Variants in GNA12 observed in about 807,000 individuals in gnomAD.
The protein encoded by GNA12 is guanine nucleotide-binding protein subunit alpha-12.
Under a neutral mutation model 26.0 loss-of-function variants are expected in GNA12, and 9 were observed. That is an observed-to-expected ratio of 0.35 (90% CI 0.21 to 0.60). GNA12 has a LOEUF of 0.60. Ranked by LOEUF, GNA12 falls within the 20% of genes least tolerant of loss-of-function variation. The probability of loss-of-function intolerance (pLI) is 0.78; values close to 1 mark genes in which losing one functional copy is unlikely to be tolerated. For missense variants in GNA12, 405 were observed against 525.8 expected (o/e 0.77, Z 2.25); for synonymous variants, 264 against 219.6 (o/e 1.20, Z -1.79).
Position 2,731,795 on chromosome 7 carries a change from G to A in GNA12, c.577-45C>T, listed in dbSNP as rs41305918. ...GCAGAAATTTAGGGGGAGGAAGAAA[G>A]AACAGAGAAAATAGAAACAAAAAGA... is the stretch of plus-strand genomic sequence containing the variant. On this transcript the variant is annotated intron_variant, in intron 3 of 3. Coordinates refer to ENST00000275364, the MANE Select transcript of GNA12 (RefSeq NM_007353.3). The surrounding 1 kb of genome is among the most constrained non-coding windows in gnomAD (Gnocchi z 6.0). The A allele has an allele frequency of 4.9e-6, 5 of 1,013,358 alleles. No homozygotes were observed. In the African/African-American group the frequency reaches 6.4e-5, roughly 13 times the overall value. 62.8% of individuals were successfully genotyped at this position (1,013,358 alleles called of 1,614,324 possible). A position where few individuals can be genotyped will look rare whatever the true frequency, so the allele number is the denominator to read the frequency against.
In GNA12 at chr7:2,778,067, GCTACAC is replaced by G. The variant is rs1781383866; in HGVS notation, c.525+16855_525+16860del. On this transcript the variant is annotated intron_variant, in intron 2 of 3. Coordinates refer to ENST00000275364, the MANE Select transcript of GNA12 (RefSeq NM_007353.3). ...TCTCCGAGGAAATGCTCAAACACGA[GCTACAC>G]TATGCCGCCTTAGCGGCATAGTCTT... Among the ~76,000 whole-genome samples, 4 of 152,056 alleles carry G rather than the reference GCTACAC, an allele frequency of 2.6e-5. No individual in the cohort carries two copies. The Middle Eastern group carries it at 0.01, about 391-fold the overall frequency.
intron 2 of GNA12, among the ~76,000 whole-genome samples, chr7:2,744,090 G>C (rs1008092870): frequency 5.9e-5 from 9 of 152,232 alleles, no homozygotes; most frequent in African/African-American, 1.9e-4. Flanking sequence ...TCCCCCTCTG[G>C]GGGCAGGGCA....
At chr7:2,774,220 T>G (rs958106985) in intron 2 of GNA12, among the ~76,000 whole-genome samples, 1 of 152,170 alleles carries the variant, frequency 6.6e-6, no homozygotes, top group Non-Finnish European at 1.5e-5. Context: ...TTAATATAGA[T>G]GCACTTTTAT....
chr7:2,794,956 G>A lies in GNA12; in HGVS notation c.497C>T (p.Ala166Val). Reference protein sequence around the residue: ...ALWRDSGIREAFSRRSEFQLG... With the variant: ...ALWRDSGIREVFSRRSEFQLG... Reference sequence around the variant, plus strand: ...CTGAAACTCGCTTCTCCGGCTGAAAGCCTCCCTGATGCCAGAATCCCTCCA... The same window carrying A: ...CTGAAACTCGCTTCTCCGGCTGAAAACCTCCCTGATGCCAGAATCCCTCCA... The change falls in exon 2 of 4, where the codon GCT becomes GTT. Residue 166 changes from alanine to valine, a missense_variant. By Grantham distance (64) the Ala-to-Val change is moderately conservative (BLOSUM62 0). Coordinates refer to ENST00000275364, the MANE Select transcript of GNA12 (RefSeq NM_007353.3). 1 of 1,614,124 alleles carries A rather than the reference G, an allele frequency of 6.2e-7. No homozygotes were observed. The highest frequency in any genetic ancestry group is 1.3e-5 in the African/African-American group (1 of 75,058).
chr7:2,843,758 C>A, intron 1 of GNA12, 95 bp downstream of exon 1: 1 of 563,132 alleles, frequency 1.8e-6, no homozygotes, highest in Admixed American at 4.2e-5. Context: ...CCCCAGGGGT[C>A]CCCGCCCGCG....
intron 1 of GNA12, among the ~76,000 whole-genome samples, chr7:2,806,479 GAAAAAGA>G (rs1301593858): frequency 3.3e-5 from 4 of 121,784 alleles, no homozygotes; most frequent in Non-Finnish European, 5.3e-5. Flanking sequence ...AAAAAAAAAA[GAAAAAGA>G]AAAAAGAAGA....
Position 2,734,011 on chromosome 7 carries a change from C to T in GNA12, c.526-510G>A, listed in dbSNP as rs149417288. ...AGTTTCTAGAAAGAGTCCATTATTC[C>T]TTCCCACATTTTTATGACCTGATTT... On this transcript the variant is annotated intron_variant, in intron 2 of 3. Coordinates refer to ENST00000275364, the MANE Select transcript of GNA12 (RefSeq NM_007353.3). Among the ~76,000 whole-genome samples the T allele has an allele frequency of 3.8e-3, 580 of 152,362 alleles. 3 individuals carry two copies. The highest frequency in any genetic ancestry group is 5.7e-3 in the Admixed American group (87 of 15,310).
chr7:2,743,673 G>A (rs1376166559), intron 2 of GNA12, among the ~76,000 whole-genome samples: 5 of 152,174 alleles, frequency 3.3e-5, no homozygotes, highest in Non-Finnish European at 5.9e-5. Context: ...TCACTGGGGT[G>A]TGCCAGACAG....
intron 1 of GNA12, chr7:2,836,095 A>G (rs1008152771): frequency 8.4e-6 from 2 of 237,588 alleles, no homozygotes; most frequent in Admixed American, 1.2e-4. Flanking sequence ...AGAATAAACT[A>G]GAAAGTCTTA....
chr7:2,799,102 A>G (rs1792747579), intron 1 of GNA12, among the ~76,000 whole-genome samples: 3 of 152,240 alleles, frequency 2.0e-5, no homozygotes, highest in Admixed American at 2.0e-4. Flanking sequence ...GTGACTCCAA[A>G]TACATGATTC....
intron 1 of GNA12, among the ~76,000 whole-genome samples, chr7:2,836,491 C>T (rs1167973624): frequency 1.3e-5 from 2 of 152,196 alleles, no homozygotes; most frequent in South Asian, 2.1e-4. Flanking sequence ...AGGATGGGCG[C>T]TGCAGAAGCC....
At chr7:2,813,036 C>G (rs1793125263) in intron 1 of GNA12, among the ~76,000 whole-genome samples, 1 of 152,252 alleles carries the variant, frequency 6.6e-6, no homozygotes, top group South Asian at 2.1e-4. Flanking sequence ...CTCAAACTCC[C>G]AGGCTCAGTC....
intron 2 of GNA12, 191 bp downstream of exon 2, chr7:2,794,737 C>T: frequency 1.7e-6 from 1 of 598,622 alleles, no homozygotes; most frequent in Non-Finnish European, 3.0e-6. Context: ...GCTCTTGCTC[C>T]TTCCCCTCTT....
chr7:2,737,274 G>GTTTTTTTTTTTTCTTT (rs1790243875), intron 2 of GNA12, among the ~76,000 whole-genome samples: 1 of 35,032 alleles, frequency 2.9e-5, no homozygotes, highest in African/African-American at 9.9e-5. Flanking sequence ...GTTTTGTTTT[G>GTTTTTTTTTTTTCTTT]TTTTTTTTTT....
chr7:2,802,940 T>C (rs1014873599), intron 1 of GNA12, among the ~76,000 whole-genome samples: 14 of 152,196 alleles, frequency 9.2e-5, no homozygotes, highest in African/African-American at 3.4e-4. Context: ...AGCGCAGCCC[T>C]GGCCCCACCA....
chr7:2,807,721 G>C (rs1224886530), intron 1 of GNA12, among the ~76,000 whole-genome samples: 1 of 152,140 alleles, frequency 6.6e-6, no homozygotes, highest in Non-Finnish European at 1.5e-5. Flanking sequence ...GTAAATTTAA[G>C]TAGTAAATTA....
chr7:2,787,055 A>G (rs1025346348), intron 2 of GNA12, among the ~76,000 whole-genome samples: 9 of 152,176 alleles, frequency 5.9e-5, no homozygotes, highest in African/African-American at 2.2e-4. Flanking sequence ...GCGTACTCAC[A>G]AAGACAAGCG....
chr7:2,816,029 T>A (rs572376436), intron 1 of GNA12, among the ~76,000 whole-genome samples: 1 of 152,302 alleles, frequency 6.6e-6, no homozygotes, highest in Admixed American at 6.5e-5. Context: ...TAAGTACACA[T>A]CCCGGAGAGA....
At chr7:2,785,362 G>C (rs988429961) in intron 2 of GNA12, among the ~76,000 whole-genome samples, 1 of 152,168 alleles carries the variant, frequency 6.6e-6, no homozygotes, top group Non-Finnish European at 1.5e-5. Flanking sequence ...ACCTCAAACG[G>C]TGTCAATATC....
Sources: gnomAD v4.1 joint callset for allele counts (sites outside exome capture counted in the v4.1 genomes callset) on GRCh38, gnomAD v4.1.1 for gene constraint, Gnocchi (gnomAD v3.1) non-coding constraint, MANE v1.5 for transcripts, NCBI Gene and HGNC (gene_info 2026-07-23, HGNC 2026-07-21) for gene names.